The following DNAJC15 variants were observed in gnomAD, a reference collection of about 807,000 sequenced individuals.
The protein encoded by DNAJC15 is DnaJ heat shock protein family (Hsp40) member C15.
A neutral mutation model predicts 22.4 loss-of-function variants in DNAJC15; 27 were observed. The ratio of observed to expected loss-of-function variants is 1.20; its 90% CI spans 0.89 to 1.66. The LOEUF is 1.66. Ranked by LOEUF, DNAJC15 falls within the 40% of genes most tolerant of loss-of-function variation. The pLI is 0.00. For missense variants in DNAJC15, 208 were observed against 187.1 expected (o/e 1.11, Z -0.65); for synonymous variants, 79 against 63.2 (o/e 1.25, Z -1.19).
intron 1 of DNAJC15, among the ~76,000 whole-genome samples, chr13:43,059,032 T>C (rs1199954735): frequency 6.6e-6 from 1 of 152,172 alleles, no homozygotes; most frequent in Non-Finnish European, 1.5e-5. Context: ...TTCTTTTGGT[T>C]TTCCTGATAT....
intron 5 of DNAJC15, among the ~76,000 whole-genome samples, chr13:43,102,470 T>C (rs569039949): frequency 1.3e-5 from 2 of 152,228 alleles, no homozygotes; most frequent in East Asian, 1.9e-4. Context: ...TCTGAACTTA[T>C]TGACATGATT....
At chr13:43,056,262 C>T (rs2040530834) in intron 1 of DNAJC15, among the ~76,000 whole-genome samples, 1 of 151,976 alleles carries the variant, frequency 6.6e-6, no homozygotes, top group African/African-American at 2.4e-5. Flanking sequence ...AGCAAGCCTC[C>T]CAAGTAGCTG....
rs1022059055 is a variant in DNAJC15 at position 43,112,958 on chromosome 13, A to G, written c.*5710A>G. The G allele has an allele frequency of 1.3e-5, 2 of 152,218 alleles. No individual in the cohort carries two copies. Among genetic ancestry groups the G allele is most frequent in the African/African-American group, 4.8e-5 (2 of 41,456 alleles). The allele number at this position is 152,218 out of a possible 1,614,324, so 9.4% of individuals were successfully genotyped here. A position where few individuals can be genotyped will look rare whatever the true frequency, so the allele number is the denominator to read the frequency against. ...TGTGCATCATGGGCAAGGAGTACCT[A>G]ATCTCTTTAATTCTTCCCTGGAAGC... On this transcript the variant is annotated 3_prime_UTR_variant, in exon 6 of 6. Transcript: ENST00000379221.
intron 1 of DNAJC15, among the ~76,000 whole-genome samples, chr13:43,031,567 AAG>A (rs1172459400): frequency 6.6e-6 from 1 of 152,162 alleles, no homozygotes; most frequent in Non-Finnish European, 1.5e-5. Flanking sequence ...TGGCAGCAAT[AAG>A]AGTGATGATA....
At chr13:43,074,546 C>T (rs1310107283) in intron 3 of DNAJC15, among the ~76,000 whole-genome samples, 5 of 152,138 alleles carry the variant, frequency 3.3e-5, no homozygotes, top group African/African-American at 1.2e-4. Flanking sequence ...AATGGTTCTG[C>T]AGTGGCTTAT....
rs1394360852 is a variant in DNAJC15 at position 43,025,147 on chromosome 13, G to A, written c.108+1413G>A. Among the ~76,000 whole-genome samples the A allele has an allele frequency of 2.0e-5, 3 of 152,066 alleles. No individual in the cohort carries two copies. The East Asian group carries it at 5.8e-4, about 29-fold the overall frequency. On this transcript the variant is annotated intron_variant, in intron 1 of 5. Coordinates refer to ENST00000379221, the MANE Select transcript of DNAJC15 (RefSeq NM_013238.3). ...CATCCCTGGTAAGTGGCAGATCTAC[G>A]ATTCCAAATGCTACACTTTTTCCCT...
chr13:43,033,139 TCACCTCCCACCAGGCCC>T (rs1227284132), intron 1 of DNAJC15, among the ~76,000 whole-genome samples: 1 of 152,120 alleles, frequency 6.6e-6, no homozygotes, highest in East Asian at 1.9e-4. Flanking sequence ...CATGACCCAA[TCACCTCCCACCAGGCCC>T]CACCTCCCAC....
chr13:43,091,525 A>G (rs979916818), intron 5 of DNAJC15, among the ~76,000 whole-genome samples: 2 of 152,118 alleles, frequency 1.3e-5, no homozygotes, highest in Non-Finnish European at 2.9e-5. Flanking sequence ...TGGGTTCATA[A>G]TATCTTCTTA....
chr13:43,103,411 A>G (rs189238178), intron 5 of DNAJC15, among the ~76,000 whole-genome samples: 36 of 152,368 alleles, frequency 2.4e-4, no homozygotes, highest in African/African-American at 8.2e-4. Context: ...TCAAACAGGT[A>G]TATTTTCTAA....
Position 43,044,745 on chromosome 13 carries a change from T to G in DNAJC15, c.109-20941T>G, listed in dbSNP as rs142159995. 2.2e-4 allele frequency among the ~76,000 whole-genome samples: 34 copies of G among 152,234 alleles called. 1 individual carries two copies. The East Asian group carries it at 6.4e-3, about 29-fold the overall frequency. On this transcript the variant is annotated intron_variant, in intron 1 of 5. Transcript: ENST00000379221. ...CATTATATTTTCTCATTTCAAAACC[T>G]TGACTCCATATCCAGTGTCTCAGCA...
chr13:43,090,955 G>A (rs2040711999), intron 5 of DNAJC15, among the ~76,000 whole-genome samples: 1 of 152,056 alleles, frequency 6.6e-6, no homozygotes, highest in African/African-American at 2.4e-5. Context: ...ACCCACCTTG[G>A]CCTCCCAAAG....
At chr13:43,028,933 C>T (rs1424707787) in intron 1 of DNAJC15, among the ~76,000 whole-genome samples, 1 of 152,132 alleles carries the variant, frequency 6.6e-6, no homozygotes, top group Non-Finnish European at 1.5e-5. Context: ...GTATAAGCAC[C>T]TATGGTGTGA....
At chr13:43,048,989 CAT>C (rs146889296) in intron 1 of DNAJC15, among the ~76,000 whole-genome samples, 31,812 of 151,944 alleles carry the variant, frequency 0.21, 4,230 homozygotes, top group Non-Finnish European at 0.3. Flanking sequence ...AAAAAAGCCT[CAT>C]ATGGCATCCA....
rs1193609920 is a variant in DNAJC15 at position 43,097,392 on chromosome 13, A to G, written c.383-9786A>G. On this transcript the variant is annotated intron_variant, in intron 5 of 5. Transcript: ENST00000379221. ...AAAAGGGAGAGTGGTAGGAAATACAATTGGAGAGGAAGCCCAAGGCTAAAT... is the reference window on the plus strand; with the variant it reads ...AAAAGGGAGAGTGGTAGGAAATACAGTTGGAGAGGAAGCCCAAGGCTAAAT... Among the ~76,000 whole-genome samples, 3 of 152,214 alleles carry G rather than the reference A, an allele frequency of 2.0e-5. No individual in the cohort carries two copies. In the East Asian group the frequency reaches 5.8e-4, roughly 29 times the overall value.
At position 43,113,908 on chromosome 13, in the gene DNAJC15, C is replaced by A. The variant is rs1317010593; in HGVS notation, c.*6660C>A. The A allele has an allele frequency of 6.6e-6, 1 of 152,156 alleles. No individual in the cohort carries two copies. Among genetic ancestry groups the A allele is most frequent in the Non-Finnish European group, 1.5e-5 (1 of 68,046 alleles). The allele number at this position is 152,156 out of a possible 1,614,324, so 9.4% of individuals were successfully genotyped here. On this transcript the variant is annotated 3_prime_UTR_variant, in exon 6 of 6. Transcript: ENST00000379221. ...AGAAATGCAGCCTTTCCTGGTTAACCCTGCTTGGATCTGAGTTACACTTTG... is the reference window on the plus strand; with the variant it reads ...AGAAATGCAGCCTTTCCTGGTTAACACTGCTTGGATCTGAGTTACACTTTG...
chr13:43,065,706 A>G lies in DNAJC15; in HGVS notation c.129A>G (p.Val43=). The G allele has an allele frequency of 6.2e-7, 1 of 1,613,296 alleles. No homozygotes were observed. The part of the protein sequence containing the change: ...QQRLVRSLIA[V]GLGVAALAFA... ...CATAGGTAAGAAGTTTGATAGCTGT[A>G]GGACTGGGTGTTGCAGCTCTTGCAT... is the stretch of plus-strand genomic sequence containing the variant. Residue 43 remains valine, a synonymous_variant, in exon 2 of 6, where the codon GTA becomes GTG. Transcript: ENST00000379221.
chr13:43,105,296 G>A (rs573867805), intron 5 of DNAJC15, among the ~76,000 whole-genome samples: 1 of 152,112 alleles, frequency 6.6e-6, no homozygotes, highest in Admixed American at 6.6e-5. Context: ...AAGAGGTGCA[G>A]CAAGAAAGCC....
At chr13:43,048,805 G>C (rs8002942) in intron 1 of DNAJC15, among the ~76,000 whole-genome samples, 65,959 of 151,896 alleles carry the variant, frequency 0.43, 15,088 homozygotes, top group South Asian at 0.53. Flanking sequence ...GAAGTATGTG[G>C]TACCCTAATT....
chr13:43,046,863 G>A (rs2040479686), intron 1 of DNAJC15, among the ~76,000 whole-genome samples: 2 of 151,964 alleles, frequency 1.3e-5, no homozygotes, highest in Non-Finnish European at 1.5e-5. Context: ...CTGCGTTTCT[G>A]ATCCAGTGAG....
Sources: gnomAD v4.1 joint callset for allele counts (sites outside exome capture counted in the v4.1 genomes callset) on GRCh38, gnomAD v4.1.1 for gene constraint, MANE v1.5 for transcripts, NCBI Gene and HGNC (gene_info 2026-07-23, HGNC 2026-07-21) for gene names.